Variants in NTSR1 observed in about 807,000 individuals in gnomAD.
The protein encoded by NTSR1 is neurotensin receptor type 1.
NTSR1 carries 29 observed loss-of-function variants against 31.2 expected under a neutral mutation model. The ratio of observed to expected loss-of-function variants is 0.93; its 90% CI spans 0.69 to 1.27. NTSR1 has a LOEUF of 1.27. Among genes scored for constraint, NTSR1 ranks in the 50% most tolerant of loss-of-function variants. The pLI is 0.00. For missense variants in NTSR1, 697 were observed against 595.4 expected (o/e 1.17, Z -1.78); for synonymous variants, 282 against 269.9 (o/e 1.04, Z -0.44).
chr20:62,736,269 TG>T (rs1223927582), intron 1 of NTSR1, among the ~76,000 whole-genome samples: 1 of 152,204 alleles, frequency 6.6e-6, no homozygotes, highest in Non-Finnish European at 1.5e-5. Flanking sequence ...TGTCTGGGTC[TG>T]GGGCTGCTGC....
intron 1 of NTSR1, among the ~76,000 whole-genome samples, chr20:62,726,144 C>T (rs1988903277): frequency 6.6e-6 from 1 of 152,184 alleles, no homozygotes; most frequent in African/African-American, 2.4e-5. Context: ...GTGAGCAGCC[C>T]TTCCGAACCG....
intron 1 of NTSR1, among the ~76,000 whole-genome samples, chr20:62,722,268 C>T (rs1308163875): frequency 6.6e-6 from 1 of 152,204 alleles, no homozygotes; most frequent in East Asian, 1.9e-4. Flanking sequence ...CTTGGAAGAA[C>T]TCAGTGGGCA....
At chr20:62,748,836 T>C (rs1989345354) in intron 1 of NTSR1, among the ~76,000 whole-genome samples, 1 of 152,040 alleles carries the variant, frequency 6.6e-6, no homozygotes, top group Admixed American at 6.5e-5. Context: ...CTGGTGGCTT[T>C]ATAAGAAGAG....
Position 62,741,470 on chromosome 20 carries a change from T to A in NTSR1, c.715-13215T>A, listed in dbSNP as rs11699332. Among the ~76,000 whole-genome samples the A allele has an allele frequency of 0.16, 23,821 of 149,306 alleles. 2,729 individuals are homozygous for A. Among genetic ancestry groups the A allele is most frequent in the South Asian group, 0.19 (914 of 4,746 alleles). Reference sequence around the variant, plus strand: ...CTGCAGGTGGCCAGAGTTCTCCTGATGGGGTCCTTGCCCCCAGCTGGCTTG... The same window carrying A: ...CTGCAGGTGGCCAGAGTTCTCCTGAAGGGGTCCTTGCCCCCAGCTGGCTTG... On this transcript the variant is annotated intron_variant, in intron 1 of 3. Coordinates refer to ENST00000370501, the MANE Select transcript of NTSR1 (RefSeq NM_002531.3). This position sits in a 1 kb window ranked among gnomAD's most constrained non-coding sequence, Gnocchi z 4.3.
intron 1 of NTSR1, among the ~76,000 whole-genome samples, chr20:62,710,283 A>ATGTTCCT (rs1395831322): frequency 6.6e-6 from 1 of 152,214 alleles, no homozygotes; most frequent in Non-Finnish European, 1.5e-5. Context: ...CCAACAGGTG[A>ATGTTCCT]TGTTCCTTCC....
At position 62,758,382 on chromosome 20, in the gene NTSR1, G is replaced by A. The variant is rs1230018823; in HGVS notation, c.1007+26G>A. On this transcript the variant is annotated intron_variant, in intron 3 of 3. Transcript: ENST00000370501. This position sits in a 1 kb window ranked among gnomAD's most constrained non-coding sequence, Gnocchi z 4.5. ...GTGAGTACCGGGAACCAGGAAGTTGGGTGCTGGACAAGTAAGTGCTCCCAA... is the reference window on the plus strand; with the variant it reads ...GTGAGTACCGGGAACCAGGAAGTTGAGTGCTGGACAAGTAAGTGCTCCCAA... 2 of 1,602,918 alleles carry A rather than the reference G, an allele frequency of 1.2e-6. No individual in the cohort carries two copies. The highest frequency in any genetic ancestry group is 2.2e-5 in the South Asian group (2 of 90,868).
At chr20:62,719,526 C>CGGTACATCGTCATGCGACCATCT (rs1809579842) in intron 1 of NTSR1, among the ~76,000 whole-genome samples, 2 of 152,024 alleles carry the variant, frequency 1.3e-5, no homozygotes, top group Non-Finnish European at 2.9e-5. Flanking sequence ...CCCTCCCTCT[C>CGGTACATCGTCATGCGACCATCT]CAGAGCTCTT....
At chr20:62,710,386 G>A (rs1428930168) in intron 1 of NTSR1, among the ~76,000 whole-genome samples, 1 of 152,212 alleles carries the variant, frequency 6.6e-6, no homozygotes, top group African/African-American at 2.4e-5. Context: ...CTGATGCCGT[G>A]TTGGGCCAGT....
intron 1 of NTSR1, among the ~76,000 whole-genome samples, chr20:62,735,944 C>T (rs958624610): frequency 6.6e-6 from 1 of 152,248 alleles, no homozygotes; most frequent in Non-Finnish European, 1.5e-5. Context: ...GGGGTCTGGT[C>T]TGAATCCCAA....
At chr20:62,718,373 G>A (rs1988771542) in intron 1 of NTSR1, among the ~76,000 whole-genome samples, 1 of 152,160 alleles carries the variant, frequency 6.6e-6, no homozygotes, top group Admixed American at 6.5e-5. Context: ...GCGGAGAGGG[G>A]TTGGATACCA....
At position 62,711,499 on chromosome 20, in the gene NTSR1, G is replaced by A. The variant is rs550645515; in HGVS notation, c.714+1578G>A. Among the ~76,000 whole-genome samples the A allele has an allele frequency of 6.6e-6, 1 of 152,116 alleles. No homozygotes were observed. The highest frequency in any genetic ancestry group is 2.4e-5 in the African/African-American group (1 of 41,490). ...TCCTTCAGAAGGTGGGCAGTGGAGG[G>A]GTCAGCGCTGTCACTGCCCACCCAG... On this transcript the variant is annotated intron_variant, in intron 1 of 3. Coordinates refer to ENST00000370501, the MANE Select transcript of NTSR1 (RefSeq NM_002531.3). This position sits in a 1 kb window ranked among gnomAD's most constrained non-coding sequence, Gnocchi z 6.4.
intron 1 of NTSR1, among the ~76,000 whole-genome samples, chr20:62,750,696 A>AG (rs1989379165): frequency 7.0e-6 from 1 of 142,220 alleles, no homozygotes; most frequent in South Asian, 2.1e-4. Context: ...GTCTCAAAAA[A>AG]AAAAAAAAAA....
At chr20:62,757,706 C>T (rs1989534170) in intron 2 of NTSR1, among the ~76,000 whole-genome samples, 1 of 152,196 alleles carries the variant, frequency 6.6e-6, no homozygotes, top group Non-Finnish European at 1.5e-5. Context: ...CTCCCTCAGA[C>T]CACGTGTCTC....
chr20:62,740,201 G>T (rs567653694), intron 1 of NTSR1, among the ~76,000 whole-genome samples: 1 of 152,256 alleles, frequency 6.6e-6, no homozygotes, highest in Non-Finnish European at 1.5e-5. Context: ...GATCTGTCAC[G>T]TTAGTGCCCT....
chr20:62,710,801 T>C (rs1988595419), intron 1 of NTSR1, among the ~76,000 whole-genome samples: 1 of 151,898 alleles, frequency 6.6e-6, no homozygotes, highest in Non-Finnish European at 1.5e-5. Context: ...AGGGAGGAAG[T>C]CAGGGCCGGT....
In NTSR1 at chr20:62,744,905, A is replaced by C. The variant is rs1194907948; in HGVS notation, c.715-9780A>C. On this transcript the variant is annotated intron_variant, in intron 1 of 3. Transcript: ENST00000370501. This position sits in a 1 kb window ranked among gnomAD's most constrained non-coding sequence, Gnocchi z 4.1. ...GCCATTCCCAGACCCAGACAGGGCTAGGAGGCAAGGGGTAGCAGCTGAGGG... is the reference window on the plus strand; with the variant it reads ...GCCATTCCCAGACCCAGACAGGGCTCGGAGGCAAGGGGTAGCAGCTGAGGG... Among the ~76,000 whole-genome samples the C allele has an allele frequency of 1.3e-5, 2 of 152,152 alleles. No individual in the cohort carries two copies. Among genetic ancestry groups the C allele is most frequent in the Non-Finnish European group, 2.9e-5 (2 of 68,014 alleles).
chr20:62,712,198 G>A (rs1052982785), intron 1 of NTSR1, among the ~76,000 whole-genome samples: 7 of 152,314 alleles, frequency 4.6e-5, no homozygotes, highest in South Asian at 4.1e-4. Flanking sequence ...AGGTTTCCCC[G>A]GAATTAGGGG....
chr20:62,762,391 A>C lies in NTSR1; in HGVS notation c.*2124A>C, dbSNP rs918854220. 6.6e-6 allele frequency: 1 copy of C among 152,140 alleles called. No homozygotes were observed. Among genetic ancestry groups the C allele is most frequent in the African/African-American group, 2.4e-5 (1 of 41,416 alleles). 9.4% of individuals were successfully genotyped at this position (152,140 alleles called of 1,614,324 possible). On this transcript the variant is annotated 3_prime_UTR_variant, in exon 4 of 4. Coordinates refer to ENST00000370501, the MANE Select transcript of NTSR1 (RefSeq NM_002531.3). ...TGAGAGAGGGCAGAGTGGATGCCCC[A>C]CTGCCCTAGACCCTCGGTAGACGTG...
chr20:62,731,278 T>C (rs1988998116), intron 1 of NTSR1, among the ~76,000 whole-genome samples: 1 of 152,140 alleles, frequency 6.6e-6, no homozygotes, highest in Admixed American at 6.5e-5. Flanking sequence ...GAGATGGGGT[T>C]TCTCCATGTT....
Sources: gnomAD v4.1 joint callset for allele counts (sites outside exome capture counted in the v4.1 genomes callset) on GRCh38, gnomAD v4.1.1 for gene constraint, Gnocchi (gnomAD v3.1) non-coding constraint, MANE v1.5 for transcripts, NCBI Gene and HGNC (gene_info 2026-07-23, HGNC 2026-07-21) for gene names.